ADCY2: variants seen among roughly 807,000 people sequenced by gnomAD.
ADCY2 encodes adenylate cyclase 2.
In ADCY2, 31 loss-of-function variants were observed where a neutral mutation model predicts 125.2. The observed-to-expected ratio is 0.25, with a 90% confidence interval of 0.19 to 0.33. The LOEUF is 0.33. Ranked by LOEUF, ADCY2 falls within the 10% of genes least tolerant of loss-of-function variation. The pLI, the probability that ADCY2 is intolerant of heterozygous loss-of-function variation, is 1.00. For missense variants in ADCY2, 904 were observed against 1,418.2 expected, an observed-to-expected ratio of 0.64 and a Z score of 5.82; for synonymous variants, 512 against 548.4, an observed-to-expected ratio of 0.93 and a Z score of 0.93.
chr5:7,745,548 CA>C (rs1742571495), intron 15 of ADCY2, among the ~76,000 whole-genome samples: 1 of 152,150 alleles, frequency 6.6e-6, no homozygotes, highest in African/African-American at 2.4e-5. Context: ...AACTCTTTGG[CA>C]AAGTTTGAAA....
chr5:7,438,181 G>A (rs926718110), intron 2 of ADCY2, among the ~76,000 whole-genome samples: 20 of 152,184 alleles, frequency 1.3e-4, no homozygotes, highest in Admixed American at 5.9e-4. Context: ...GAAAGGTGGT[G>A]GACAAGATAT....
chr5:7,425,046 C>T (rs1740338139), intron 2 of ADCY2, among the ~76,000 whole-genome samples: 1 of 152,144 alleles, frequency 6.6e-6, no homozygotes, highest in African/African-American at 2.4e-5. Flanking sequence ...CGGTGCCAGC[C>T]ATGGGTCCTG....
rs912743803 is a variant in ADCY2, at chr5:7,824,614, C to G, written c.3124-2105C>G. On this transcript the variant is annotated intron_variant, in intron 24 of 24. Transcript: ENST00000338316. The stretch of plus-strand genomic sequence containing the variant: ...CCTGCCCTCCTCCCAGGACTTGGGC[C>G]AGACCAGAGCAGCAGGACATGGACA... Among the ~76,000 whole-genome samples the G allele has an allele frequency of 2.6e-5, 4 of 152,340 alleles. No individual in the cohort carries two copies. The South Asian group carries it at 6.2e-4, about 24-fold the overall frequency.
chr5:7,529,152 C>T (rs534497202), intron 3 of ADCY2, among the ~76,000 whole-genome samples: 1 of 152,294 alleles, frequency 6.6e-6, no homozygotes, highest in Admixed American at 6.5e-5. Context: ...CACTTGGAGA[C>T]AGTCCAGGGA....
intron 2 of ADCY2, among the ~76,000 whole-genome samples, chr5:7,500,390 A>C (rs548118424): frequency 1.1e-4 from 17 of 152,348 alleles, no homozygotes; most frequent in African/African-American, 4.1e-4. Context: ...CAAAGAGTAC[A>C]GTGGAAAGTG....
chr5:7,724,329 A>T (rs1741866539), intron 12 of ADCY2, among the ~76,000 whole-genome samples: 1 of 151,872 alleles, frequency 6.6e-6, no homozygotes, highest in Admixed American at 6.6e-5. Context: ...CAAGGAGGGC[A>T]GTGTGTGATT....
intron 3 of ADCY2, among the ~76,000 whole-genome samples, chr5:7,582,814 TGGAAC>T (rs1736479075): frequency 6.6e-6 from 1 of 152,114 alleles, no homozygotes; most frequent in Admixed American, 6.5e-5. Flanking sequence ...CTCTAAAGTC[TGGAAC>T]AAGGAACTTC....
chr5:7,804,460 C>A, intron 21 of ADCY2, 125 bp from the exon 22 acceptor site: 1 of 749,520 alleles, frequency 1.3e-6, no homozygotes, highest in South Asian at 1.5e-5. Flanking sequence ...CCCAAGGGTG[C>A]ATACGCAGTG....
chr5:7,707,608 T>A (rs748230678), intron 8 of ADCY2, 98 bp from the exon 9 acceptor site: 12 of 1,440,686 alleles, frequency 8.3e-6, no homozygotes, highest in Middle Eastern at 1.9e-4. Context: ...CCTAAGAACT[T>A]TAGTGGATAA....
chr5:7,516,436 A>G (rs1231820496), intron 2 of ADCY2, among the ~76,000 whole-genome samples: 1 of 152,148 alleles, frequency 6.6e-6, no homozygotes, highest in Admixed American at 6.5e-5. Context: ...TTAACATCAC[A>G]AAGGACTGTC....
intron 4 of ADCY2, among the ~76,000 whole-genome samples, chr5:7,680,218 G>A (rs954816474): frequency 1.1e-4 from 17 of 152,138 alleles, no homozygotes; most frequent in Admixed American, 7.9e-4. Flanking sequence ...AAGGGGTTGG[G>A]GGTCTTGCTG....
rs1438402870 is a variant in ADCY2 at position 7,489,532 on chromosome 5, C to G, written c.409-31206C>G. ...TGGTAGTGAGTGAGTCTCACAAGAT[C>G]TGATAGTTTTATAGAGTTCCCCTGC... On this transcript the variant is annotated intron_variant, in intron 2 of 24. Coordinates refer to ENST00000338316, the MANE Select transcript of ADCY2 (RefSeq NM_020546.3). 2.0e-5 allele frequency among the ~76,000 whole-genome samples: 3 copies of G among 152,170 alleles called. No individual in the cohort carries two copies. In the South Asian group the frequency reaches 6.2e-4, roughly 32 times the overall value.
At chr5:7,571,142 G>A (rs1284373501) in intron 3 of ADCY2, among the ~76,000 whole-genome samples, 7 of 152,140 alleles carry the variant, frequency 4.6e-5, no homozygotes, top group Non-Finnish European at 7.3e-5. Context: ...ATAAACAGAA[G>A]CAGTATATAT....
intron 3 of ADCY2, among the ~76,000 whole-genome samples, chr5:7,615,744 C>T (rs1251070168): frequency 1.3e-5 from 2 of 152,140 alleles, no homozygotes; most frequent in South Asian, 4.1e-4. Context: ...ATAGTTTCAA[C>T]ATTAGATCAT....
chr5:7,681,790 A>G (rs1455886493), intron 4 of ADCY2, among the ~76,000 whole-genome samples: 1 of 152,180 alleles, frequency 6.6e-6, no homozygotes, highest in Non-Finnish European at 1.5e-5. Flanking sequence ...CCATTTAAAA[A>G]AAGGGGGGCC....
intron 4 of ADCY2, among the ~76,000 whole-genome samples, chr5:7,661,029 G>A (rs1238355774): frequency 6.6e-6 from 1 of 152,152 alleles, no homozygotes; most frequent in Non-Finnish European, 1.5e-5. Context: ...AAGTCCCAAG[G>A]CAGTGTATTT....
intron 4 of ADCY2, among the ~76,000 whole-genome samples, chr5:7,656,752 T>C (rs1739347592): frequency 6.6e-6 from 1 of 152,168 alleles, no homozygotes; most frequent in Non-Finnish European, 1.5e-5. Flanking sequence ...GCGATTGTAA[T>C]CCCTCTGAAG....
intron 3 of ADCY2, among the ~76,000 whole-genome samples, chr5:7,592,430 T>G (rs1387026892): frequency 1.3e-5 from 2 of 152,066 alleles, no homozygotes; most frequent in Non-Finnish European, 2.9e-5. Context: ...AAATAAAATA[T>G]AATTCGATTG....
intron 4 of ADCY2, among the ~76,000 whole-genome samples, chr5:7,657,369 ATG>A (rs1739375575): frequency 6.6e-6 from 1 of 152,228 alleles, no homozygotes; most frequent in African/African-American, 2.4e-5. Flanking sequence ...CGTATGCAGA[ATG>A]TGTAGATTAG....
Sources: allele counts gnomAD v4.1 joint callset (sites outside exome capture counted in the v4.1 genomes callset), GRCh38; gene constraint gnomAD v4.1.1; transcripts MANE v1.5; gene names NCBI Gene and HGNC (gene_info 2026-07-23, HGNC 2026-07-21).